Variants in PIGN observed in about 807,000 individuals in gnomAD.
The protein encoded by PIGN is GPI ethanolamine phosphate transferase 1.
In PIGN, 117 loss-of-function variants were observed where a neutral mutation model predicts 125.4. The observed-to-expected ratio is 0.93, with a 90% CI of 0.80 to 1.09. PIGN has a LOEUF of 1.09. Among genes scored for constraint, PIGN ranks in the 50% least tolerant of loss-of-function variants. The probability of loss-of-function intolerance (pLI) is 0.00; values close to 1 mark genes in which losing one functional copy is unlikely to be tolerated. For missense variants in PIGN, 1,075 were observed against 1,094.9 expected, an observed-to-expected ratio of 0.98 and a Z score of 0.26; for synonymous variants, 392 against 377.8, an observed-to-expected ratio of 1.04 and a Z score of -0.44.
chr18:62,090,600 A>C (rs778951749), intron 23 of PIGN, 22 bp from the exon 24 acceptor site: 2 of 1,398,908 alleles, frequency 1.4e-6, no homozygotes, highest in Non-Finnish European at 2.0e-6. Context: ...GGAAAGGTAG[A>C]AATGAAAAGA....
intron 21 of PIGN, among the ~76,000 whole-genome samples, chr18:62,102,172 A>G (rs1284550223): frequency 2.0e-5 from 3 of 151,556 alleles, no homozygotes; most frequent in Non-Finnish European, 4.4e-5. Flanking sequence ...GGTTGCATTG[A>G]GCTGAGATTG....
chr18:62,147,978 A>C (rs1203704313), intron 8 of PIGN, among the ~76,000 whole-genome samples: 1 of 152,068 alleles, frequency 6.6e-6, no homozygotes, highest in Non-Finnish European at 1.5e-5. Flanking sequence ...GTAAATGAAG[A>C]TTATGTAATA....
At chr18:62,099,920 G>C (rs745609645) in intron 22 of PIGN, among the ~76,000 whole-genome samples, 1 of 152,002 alleles carries the variant, frequency 6.6e-6, no homozygotes, top group Non-Finnish European at 1.5e-5. Context: ...GACATTTTGG[G>C]TAAGACCTCA....
intron 15 of PIGN, among the ~76,000 whole-genome samples, 185 bp downstream of exon 15, chr18:62,114,376 A>AAT (rs1245561168): frequency 4.0e-5 from 6 of 151,698 alleles, no homozygotes; most frequent in South Asian, 4.2e-4. Context: ...AAAAAAAAAA[A>AAT]TTTACCCATA....
At chr18:62,075,460 A>T (rs2033123001) in intron 28 of PIGN, 1 of 152,204 alleles carries the variant, frequency 6.6e-6, no homozygotes, top group Admixed American at 6.5e-5. Context: ...ACCTTCTGGG[A>T]TTGGCTTTTC....
At chr18:62,021,143 C>G (rs1196357493) in intron 23 of PIGN, among the ~76,000 whole-genome samples, 1 of 152,086 alleles carries the variant, frequency 6.6e-6, no homozygotes. Flanking sequence ...GCATTTCACA[C>G]CTAGGTATTT....
intron 28 of PIGN, among the ~76,000 whole-genome samples, chr18:62,078,681 A>T (rs2033297354): frequency 6.6e-6 from 1 of 152,236 alleles, no homozygotes; most frequent in African/African-American, 2.4e-5. Context: ...AATTTTATTG[A>T]AGTCAGGTTA....
intron 30 of PIGN, among the ~76,000 whole-genome samples, chr18:62,055,327 G>A (rs1050113924): frequency 2.6e-5 from 4 of 152,184 alleles, no homozygotes; most frequent in East Asian, 1.9e-4. Context: ...AAGAAGTAAC[G>A]AACTACTGAA....
At position 62,106,797 on chromosome 18, in the gene PIGN, G is replaced by A. The variant is rs376226764; in HGVS notation, c.1759C>T (p.Arg587Ter). ...AAAATGAGTACTCATACCTTTGCTC[G>A]AGTCCACAGCCGAGTGAGAAATGGC... ...AWPFLTRLWT[R>*]AKMTSLSWTF... The change falls in exon 19 of 31, where the codon CGA (arginine) becomes TGA (stop). Residue 587 changes from arginine (R) to a stop codon, truncating the protein, a stop_gained. Transcript: ENST00000640252. LOFTEE classifies it high-confidence loss of function. 2.4e-5 allele frequency: 39 copies of A among 1,603,330 alleles called. No individual in the cohort carries two copies. In the East Asian group the frequency reaches 2.5e-4, roughly 10 times the overall value.
chr18:62,114,723 G>A, intron 14 of PIGN, 84 bp from the exon 15 acceptor site: 1 of 598,876 alleles, frequency 1.7e-6, no homozygotes, highest in Non-Finnish European at 2.6e-6. Context: ...AAAAAACAAA[G>A]ATAGTGAAAA....
intron 29 of PIGN, among the ~76,000 whole-genome samples, chr18:62,074,279 A>C (rs1346495974): frequency 1.3e-5 from 2 of 152,226 alleles, no homozygotes; most frequent in Non-Finnish European, 2.9e-5. Context: ...TGTAGACATA[A>C]AATAGGTTCC....
chr18:62,054,916 G>A (rs2031607719), intron 30 of PIGN, among the ~76,000 whole-genome samples: 1 of 152,102 alleles, frequency 6.6e-6, no homozygotes, highest in African/African-American at 2.4e-5. Context: ...TCATCAAAGA[G>A]GATATAAAGT....
intron 12 of PIGN, 93 bp downstream of exon 12, chr18:62,140,327 C>A: frequency 7.0e-6 from 4 of 575,538 alleles, no homozygotes; most frequent in South Asian, 2.4e-5. Flanking sequence ...AAAAAAAACC[C>A]AGATTATTCA....
At chr18:62,081,492 C>A (rs1425549483) in intron 28 of PIGN, among the ~76,000 whole-genome samples, 1 of 152,148 alleles carries the variant, frequency 6.6e-6, no homozygotes. Flanking sequence ...CCTTTCTGAG[C>A]CACCTTTGCC....
intron 30 of PIGN, among the ~76,000 whole-genome samples, chr18:62,060,625 T>C (rs567840005): frequency 1.3e-5 from 2 of 152,290 alleles, no homozygotes; most frequent in East Asian, 3.9e-4. Context: ...AAAAGAGAAA[T>C]GATAAACACG....
chr18:62,066,680 T>C (rs1395837085), intron 30 of PIGN, among the ~76,000 whole-genome samples: 2 of 152,180 alleles, frequency 1.3e-5, no homozygotes, highest in African/African-American at 4.8e-5. Context: ...GGACTCTGTG[T>C]AGCAATGCAC....
intron 28 of PIGN, among the ~76,000 whole-genome samples, chr18:62,077,403 C>A (rs984642481): frequency 6.6e-6 from 1 of 151,884 alleles, no homozygotes; most frequent in Admixed American, 6.6e-5. Context: ...CAAACAAAAC[C>A]TTTAAAAAAC....
intron 23 of PIGN, among the ~76,000 whole-genome samples, chr18:62,091,528 CT>C (rs1301806240): frequency 6.6e-6 from 1 of 152,180 alleles, no homozygotes; most frequent in African/African-American, 2.4e-5. Context: ...CAGACATGTG[CT>C]ACAATTTCCA....
chr18:62,045,841 G>T lies in PIGN; in HGVS notation c.*15C>A. ...GAGAATCAGGATCCAGATGCTGAAT[G>T]GTGCTTCAGCAACCTCACATGAAGT... On this transcript the variant is annotated 3_prime_UTR_variant, in exon 31 of 31. Coordinates refer to ENST00000640252, the MANE Select transcript of PIGN (RefSeq NM_176787.5). 6.2e-7 allele frequency: 1 copy of T among 1,612,594 alleles called. No homozygotes were observed. The highest frequency in any genetic ancestry group is 8.5e-7 in the Non-Finnish European group (1 of 1,178,992).
Sources: gnomAD v4.1 joint callset for allele counts (sites outside exome capture counted in the v4.1 genomes callset) on GRCh38, gnomAD v4.1.1 for gene constraint, MANE v1.5 for transcripts, NCBI Gene and HGNC (gene_info 2026-07-23, HGNC 2026-07-21) for gene names.